Variants in VTI1A observed in about 807,000 individuals in gnomAD.
VTI1A encodes vesicle transport through interaction with t-SNAREs 1A.
VTI1A carries 22 observed loss-of-function variants against 34.9 expected under a neutral mutation model. That is an observed-to-expected ratio of 0.63 (90% CI 0.45 to 0.90). The LOEUF (loss-of-function observed/expected upper bound fraction) is 0.90, where lower values mean the gene tolerates loss of function less well. Ranked by LOEUF, VTI1A falls within the 40% of genes least tolerant of loss-of-function variation. The pLI is 0.00. For synonymous variants in VTI1A, 87 were observed against 97.3 expected, an observed-to-expected ratio of 0.89 and a Z score of 0.62; for missense variants, 268 against 275.6, an observed-to-expected ratio of 0.97 and a Z score of 0.20.
the VTI1A span, among the ~76,000 whole-genome samples, chr10:112,847,611 T>C: frequency 2.6e-5 from 4 of 152,240 alleles, no homozygotes; most frequent in African/African-American, 4.8e-5. Flanking sequence ...GAGCAGGCTC[T>C]AAAGGCTACA....
At chr10:112,654,281 A>T (rs1847144217) in intron 5 of VTI1A, among the ~76,000 whole-genome samples, 1 of 152,216 alleles carries the variant, frequency 6.6e-6, no homozygotes, top group African/African-American at 2.4e-5. Flanking sequence ...ATCAAAATCC[A>T]CATTTACTTA....
At chr10:112,675,068 A>G (rs1847977588) in intron 7 of VTI1A, among the ~76,000 whole-genome samples, 1 of 152,190 alleles carries the variant, frequency 6.6e-6, no homozygotes, top group Non-Finnish European at 1.5e-5. Context: ...TGGCAATCAT[A>G]TGTCAGTCCT....
At chr10:112,672,682 A>T (rs1847893336) in intron 7 of VTI1A, 2 of 152,096 alleles carry the variant, frequency 1.3e-5, no homozygotes, top group African/African-American at 4.8e-5. Flanking sequence ...GTCTCTCTTC[A>T]TATGTGTGTA....
chr10:112,807,494 C>G (rs1853127797), intron 7 of VTI1A, among the ~76,000 whole-genome samples: 1 of 152,262 alleles, frequency 6.6e-6, no homozygotes, highest in South Asian at 2.1e-4. Context: ...CCTCTTTGTC[C>G]TCTCTTAAGG....
chr10:112,514,784 G>A (rs1849718714), intron 3 of VTI1A, among the ~76,000 whole-genome samples: 3 of 151,824 alleles, frequency 2.0e-5, no homozygotes, highest in South Asian at 2.1e-4. Flanking sequence ...AAAATGTAGC[G>A]GTAACTTGAA....
chr10:112,829,890 GTTC>G, the VTI1A span, among the ~76,000 whole-genome samples: 1 of 152,212 alleles, frequency 6.6e-6, no homozygotes, highest in Non-Finnish European at 1.5e-5. Context: ...CTAGAATGTA[GTTC>G]TTTATTCAGT....
chr10:112,477,234 C>T (rs1848304755), intron 3 of VTI1A, among the ~76,000 whole-genome samples: 2 of 152,138 alleles, frequency 1.3e-5, no homozygotes, highest in African/African-American at 4.8e-5. Context: ...AAACAAATAA[C>T]AACTGTGCAG....
At chr10:112,738,224 C>T (rs1024188866) in intron 7 of VTI1A, among the ~76,000 whole-genome samples, 1 of 152,164 alleles carries the variant, frequency 6.6e-6, no homozygotes, top group Non-Finnish European at 1.5e-5. Context: ...CCCTAACGTT[C>T]CCTGTGCCCA....
chr10:112,531,879 T>C (rs1333001365), intron 4 of VTI1A, among the ~76,000 whole-genome samples: 2 of 152,180 alleles, frequency 1.3e-5, no homozygotes, highest in Non-Finnish European at 2.9e-5. Context: ...AGGCCAGGTA[T>C]TTTAGCTTAA....
intron 7 of VTI1A, among the ~76,000 whole-genome samples, chr10:112,698,040 G>A (rs1848858542): frequency 1.3e-5 from 2 of 152,046 alleles, no homozygotes; most frequent in Non-Finnish European, 2.9e-5. Context: ...CTTTGGAATG[G>A]AAGCCTACAG....
intron 7 of VTI1A, among the ~76,000 whole-genome samples, chr10:112,756,509 C>T (rs1851287350): frequency 6.6e-6 from 1 of 152,136 alleles, no homozygotes. Flanking sequence ...CTGTGATCTC[C>T]ATCAGAAAAG....
intron 3 of VTI1A, among the ~76,000 whole-genome samples, chr10:112,518,428 G>C (rs776141485): frequency 2.0e-5 from 3 of 151,670 alleles, no homozygotes; most frequent in Non-Finnish European, 4.4e-5. Flanking sequence ...TGAAATAACT[G>C]CCAGGTGCTG....
At chr10:112,546,816 C>T (rs1288641405) in intron 5 of VTI1A, among the ~76,000 whole-genome samples, 1 of 152,098 alleles carries the variant, frequency 6.6e-6, no homozygotes, top group Non-Finnish European at 1.5e-5. Flanking sequence ...AAATATTTTC[C>T]ACCCAAACCT....
At chr10:112,740,351 G>A (rs2133975210) in intron 7 of VTI1A, among the ~76,000 whole-genome samples, 1 of 152,270 alleles carries the variant, frequency 6.6e-6, no homozygotes, top group African/African-American at 2.4e-5. Flanking sequence ...GTGCAGTGGT[G>A]CAATCTCGGC....
At position 112,817,405 on chromosome 10, in the gene VTI1A, G is replaced by C. The variant is rs1187936796; in HGVS notation, c.*2022G>C. 1 of 232,126 alleles carries C rather than the reference G, an allele frequency of 4.3e-6. No individual in the cohort carries two copies. Among genetic ancestry groups the C allele is most frequent in the African/African-American group, 2.2e-5 (1 of 45,278 alleles). The allele number at this position is 232,126 out of a possible 1,614,324, so 14.4% of individuals were successfully genotyped here. On this transcript the variant is annotated 3_prime_UTR_variant, in exon 8 of 8. Coordinates refer to ENST00000393077, the MANE Select transcript of VTI1A (RefSeq NM_145206.4). ...GTTCATGTTGAAGCAGACAAAATGAGAAAGGAGGAGGGCATTGCTCACCTC... is the reference window on the plus strand; with the variant it reads ...GTTCATGTTGAAGCAGACAAAATGACAAAGGAGGAGGGCATTGCTCACCTC...
chr10:112,715,329 G>A (rs578170416), intron 7 of VTI1A, among the ~76,000 whole-genome samples: 2 of 152,106 alleles, frequency 1.3e-5, no homozygotes, highest in Non-Finnish European at 2.9e-5. Context: ...AGAATCCCAA[G>A]CATTAAACCA....
chr10:112,447,521 G>A (rs1365611582), intron 1 of VTI1A, 54 bp downstream of exon 1: 21 of 1,590,436 alleles, frequency 1.3e-5, no homozygotes, highest in Non-Finnish European at 6.9e-6. Context: ...GGAGGGTGCG[G>A]GCGGTGGAAC....
chr10:112,543,577 T>C (rs966113630), intron 5 of VTI1A, among the ~76,000 whole-genome samples: 8 of 152,268 alleles, frequency 5.3e-5, no homozygotes, highest in Non-Finnish European at 1.0e-4. Flanking sequence ...TTCTGGATAT[T>C]AGCCCTTTGT....
intron 5 of VTI1A, among the ~76,000 whole-genome samples, chr10:112,593,731 T>C (rs766536028): frequency 4.0e-5 from 6 of 151,720 alleles, no homozygotes; most frequent in Admixed American, 1.3e-4. Flanking sequence ...TCTCCATCTT[T>C]TTTTTATTTT....
Sources: allele counts gnomAD v4.1 joint callset (sites outside exome capture counted in the v4.1 genomes callset), GRCh38; gene constraint gnomAD v4.1.1; transcripts MANE v1.5; gene names NCBI Gene and HGNC (gene_info 2026-07-23, HGNC 2026-07-21).